Variants in SLC41A2 observed in about 807,000 individuals in gnomAD.
The protein encoded by SLC41A2 is solute carrier family 41 member 2.
In SLC41A2, 32 loss-of-function variants were observed where a neutral mutation model predicts 58.3. That is an observed-to-expected ratio of 0.55 (90% CI 0.41 to 0.74). SLC41A2 has a LOEUF of 0.74. SLC41A2 is among the 30% of genes least tolerant of loss of function. The pLI is 0.00. For synonymous variants in SLC41A2, 190 were observed against 235.0 expected (o/e 0.81, Z 1.75); for missense variants, 514 against 680.6 (o/e 0.76, Z 2.72).
intron 1 of SLC41A2, among the ~76,000 whole-genome samples, chr12:104,951,716 T>TAA (rs2047964995): frequency 6.6e-6 from 1 of 151,902 alleles, no homozygotes; most frequent in Non-Finnish European, 1.5e-5. Context: ...CTATTTTCTG[T>TAA]TGATTCTTCA....
intron 3 of SLC41A2, among the ~76,000 whole-genome samples, chr12:104,903,406 C>T (rs1034887787): frequency 6.6e-6 from 1 of 152,198 alleles, no homozygotes; most frequent in African/African-American, 2.4e-5. Flanking sequence ...TCACTCGGTC[C>T]CAGCCCTATT....
chr12:104,889,249 A>G (rs1405712991), intron 4 of SLC41A2, 72 bp from the exon 5 acceptor site: 2 of 1,447,210 alleles, frequency 1.4e-6, no homozygotes, highest in South Asian at 1.3e-5. Flanking sequence ...GATTATGTAA[A>G]TATTACTACA....
chr12:104,905,594 C>T (rs2045800889), intron 3 of SLC41A2, among the ~76,000 whole-genome samples: 2 of 152,242 alleles, frequency 1.3e-5, no homozygotes, highest in Non-Finnish European at 2.9e-5. Context: ...TCGGGCCGCA[C>T]AGGAGCCCAT....
chr12:104,822,101 A>C lies in SLC41A2; in HGVS notation c.1537-16764T>G, dbSNP rs576524528. On this transcript the variant is annotated intron_variant, in intron 10 of 10. Transcript: ENST00000258538. Reference sequence around the variant, plus strand: ...AAAAATCAAGGAAATATTCAAACTAAAGTTGTTTCTTGGTTTCTAACAAGA... The same window carrying C: ...AAAAATCAAGGAAATATTCAAACTACAGTTGTTTCTTGGTTTCTAACAAGA... Among the ~76,000 whole-genome samples, 8 of 152,274 alleles carry C rather than the reference A, an allele frequency of 5.3e-5. No homozygotes were observed. The South Asian group carries it at 1.7e-3, about 32-fold the overall frequency.
chr12:104,934,204 A>G (rs1213769499), intron 1 of SLC41A2, among the ~76,000 whole-genome samples: 1 of 152,248 alleles, frequency 6.6e-6, no homozygotes, highest in Admixed American at 6.5e-5. Context: ...AATTAAAAAA[A>G]TAAGAAATAA....
chr12:104,836,136 C>T (rs890466001), intron 10 of SLC41A2, among the ~76,000 whole-genome samples: 1 of 152,158 alleles, frequency 6.6e-6, no homozygotes, highest in Non-Finnish European at 1.5e-5. Context: ...GAGTCCCACA[C>T]CCAGCCCCAA....
At chr12:104,904,415 C>T (rs552185028) in intron 3 of SLC41A2, among the ~76,000 whole-genome samples, 19 of 152,166 alleles carry the variant, frequency 1.2e-4, no homozygotes, top group Non-Finnish European at 2.4e-4. Flanking sequence ...AAAAGCCTCT[C>T]GGATTGAGTT....
At chr12:104,847,884 A>G (rs577608415) in intron 8 of SLC41A2, among the ~76,000 whole-genome samples, 4 of 152,302 alleles carry the variant, frequency 2.6e-5, no homozygotes, top group African/African-American at 9.6e-5. Context: ...GTATTGTTTC[A>G]CCTAAAGTCA....
chr12:104,858,980 G>A (rs1392283475), intron 8 of SLC41A2, among the ~76,000 whole-genome samples: 3 of 152,146 alleles, frequency 2.0e-5, no homozygotes, highest in Non-Finnish European at 2.9e-5. Context: ...ATTTCTTACT[G>A]AAATGTTGTT....
chr12:104,806,218 C>G lies in SLC41A2; in HGVS notation c.1537-881G>C, dbSNP rs189910129. ...TCCTAATGCTATCCCTCCCCACTCC[C>G]CCCACCCCACAACAGGCCCCGGTGT... is the stretch of plus-strand genomic sequence containing the variant. On this transcript the variant is annotated intron_variant, in intron 10 of 10. Coordinates refer to ENST00000258538, the MANE Select transcript of SLC41A2 (RefSeq NM_001352171.3). Among the ~76,000 whole-genome samples, 600 of 152,110 alleles carry G rather than the reference C, an allele frequency of 3.9e-3. 6 individuals are homozygous for G. The highest frequency in any genetic ancestry group is 0.014 in the African/African-American group (567 of 41,456).
chr12:104,940,588 C>T (rs1187716603), intron 1 of SLC41A2, among the ~76,000 whole-genome samples: 1 of 150,254 alleles, frequency 6.7e-6, no homozygotes, highest in East Asian at 1.9e-4. Flanking sequence ...AAGTATCTCC[C>T]TTTTATCTCC....
rs568018594 is a variant in SLC41A2 at position 104,934,598 on chromosome 12, T to C, written c.-167-5904A>G. On this transcript the variant is annotated intron_variant, in intron 1 of 10. Transcript: ENST00000258538. ...CTGCACTCCCATGTTCATTTCAGTATTGTTCACAATATCCAAGATATGGAA... is the reference window on the plus strand; with the variant it reads ...CTGCACTCCCATGTTCATTTCAGTACTGTTCACAATATCCAAGATATGGAA... 9.8e-5 allele frequency among the ~76,000 whole-genome samples: 15 copies of C among 152,300 alleles called. No homozygotes were observed. In the South Asian group the frequency reaches 3.1e-3, roughly 32 times the overall value.
At chr12:104,940,598 CTT>C (rs1269784094) in intron 1 of SLC41A2, among the ~76,000 whole-genome samples, 3 of 143,844 alleles carry the variant, frequency 2.1e-5, no homozygotes, top group Non-Finnish European at 3.1e-5. Context: ...CTTTTATCTC[CTT>C]TTTTTTTTTG....
chr12:104,853,911 A>AT (rs1555202443), intron 8 of SLC41A2, among the ~76,000 whole-genome samples: 1,102 of 59,450 alleles, frequency 0.019, 86 homozygotes, highest in African/African-American at 0.052. Context: ...TGCCTGGCTG[A>AT]TTTTTTTTTT....
At chr12:104,820,681 G>A (rs56172532) in intron 10 of SLC41A2, among the ~76,000 whole-genome samples, 2,798 of 151,508 alleles carry the variant, frequency 0.018, 105 homozygotes, top group African/African-American at 0.063. Flanking sequence ...CGCTCTTGTC[G>A]CCCAGGCTGG....
chr12:104,890,068 T>C (rs1444068479), intron 4 of SLC41A2, among the ~76,000 whole-genome samples: 1 of 152,174 alleles, frequency 6.6e-6, no homozygotes, highest in Non-Finnish European at 1.5e-5. Flanking sequence ...CTCTATAGAA[T>C]AGAGTTCTCT....
At chr12:104,948,942 G>T (rs2047844246) in intron 1 of SLC41A2, among the ~76,000 whole-genome samples, 1 of 152,220 alleles carries the variant, frequency 6.6e-6, no homozygotes, top group African/African-American at 2.4e-5. Flanking sequence ...ATACGGCTGG[G>T]CGTGGTGGCT....
intron 10 of SLC41A2, among the ~76,000 whole-genome samples, chr12:104,841,217 G>A (rs1045965867): frequency 6.6e-6 from 1 of 152,060 alleles, no homozygotes; most frequent in African/African-American, 2.4e-5. Flanking sequence ...ATCACTGTTA[G>A]AAGTTGTGGG....
intron 6 of SLC41A2, among the ~76,000 whole-genome samples, chr12:104,871,469 C>T (rs1478206599): frequency 6.6e-6 from 1 of 152,162 alleles, no homozygotes; most frequent in Non-Finnish European, 1.5e-5. Context: ...CTGCAAGCCA[C>T]ACAAAAGTAT....
Sources: gnomAD v4.1 joint callset for allele counts (sites outside exome capture counted in the v4.1 genomes callset) on GRCh38, gnomAD v4.1.1 for gene constraint, MANE v1.5 for transcripts, NCBI Gene and HGNC (gene_info 2026-07-23, HGNC 2026-07-21) for gene names.